Variants in NRXN1 observed in about 807,000 individuals in gnomAD.
NRXN1 encodes neurexin-1.
Under a neutral mutation model 150.9 loss-of-function variants are expected in NRXN1, and 39 were observed. The ratio of observed to expected loss-of-function variants is 0.26; its 90% CI spans 0.20 to 0.34. The LOEUF (loss-of-function observed/expected upper bound fraction) is 0.34. Among genes scored for constraint, NRXN1 ranks in the 10% least tolerant of loss-of-function variants. NRXN1 has a pLI of 1.00. For synonymous variants in NRXN1, 924 were observed against 757.0 expected (o/e 1.22, Z -3.62); for missense variants, 1,815 against 1,949.9 (o/e 0.93, Z 1.30).
intron 5 of NRXN1, among the ~76,000 whole-genome samples, chr2:50,792,333 A>G (rs1706166715): frequency 6.6e-6 from 1 of 152,150 alleles, no homozygotes; most frequent in Non-Finnish European, 1.5e-5. Flanking sequence ...TTTTCTCTAT[A>G]AAATTTTCAA....
chr2:49,998,961 C>A (rs1683457698), intron 21 of NRXN1, among the ~76,000 whole-genome samples: 2 of 152,084 alleles, frequency 1.3e-5, no homozygotes, highest in African/African-American at 4.8e-5. Context: ...TCCCAGTGTG[C>A]CAAAGCTCAG....
At chr2:50,352,781 T>C (rs1054504085) in intron 17 of NRXN1, among the ~76,000 whole-genome samples, 10 of 144,440 alleles carry the variant, frequency 6.9e-5, no homozygotes, top group Non-Finnish European at 1.5e-4. Flanking sequence ...AATAATATTA[T>C]AATAATAATA....
chr2:50,612,382 TTTC>T (rs1211388305), intron 8 of NRXN1, among the ~76,000 whole-genome samples: 4 of 152,142 alleles, frequency 2.6e-5, no homozygotes, highest in Non-Finnish European at 4.4e-5. Flanking sequence ...ACTTGTTTTT[TTTC>T]TTCTTCTTCC....
intron 19 of NRXN1, among the ~76,000 whole-genome samples, chr2:50,075,614 A>T (rs1046883641): frequency 6.6e-6 from 1 of 152,202 alleles, no homozygotes; most frequent in Non-Finnish European, 1.5e-5. Flanking sequence ...GTTTGTTCCT[A>T]TTATATAGGA....
chr2:50,067,076 C>T (rs1308360399), intron 19 of NRXN1, among the ~76,000 whole-genome samples: 2 of 152,140 alleles, frequency 1.3e-5, no homozygotes, highest in Admixed American at 6.5e-5. Context: ...GACATCCCAG[C>T]TCCTTATGTG....
intron 18 of NRXN1, among the ~76,000 whole-genome samples, chr2:50,169,228 C>T (rs1348093372): frequency 6.6e-6 from 1 of 152,048 alleles, no homozygotes; most frequent in East Asian, 1.9e-4. Context: ...AGTAAAAGAT[C>T]CAGTATTCAA....
chr2:50,250,405 A>G (rs1407034480), intron 17 of NRXN1, among the ~76,000 whole-genome samples: 2 of 151,240 alleles, frequency 1.3e-5, no homozygotes, highest in Non-Finnish European at 2.9e-5. Flanking sequence ...TTGTAGATCC[A>G]CTTATATAAA....
At chr2:50,829,485 A>G (rs1273495094) in intron 5 of NRXN1, 1 of 1,584,068 alleles carries the variant, frequency 6.3e-7, no homozygotes, top group African/African-American at 1.3e-5. Flanking sequence ...GCCTATAATA[A>G]TGAGAAAGGC....
intron 21 of NRXN1, among the ~76,000 whole-genome samples, chr2:50,003,639 C>T (rs1573348222): frequency 1.3e-5 from 2 of 152,130 alleles, no homozygotes; most frequent in Non-Finnish European, 2.9e-5. Context: ...TGCCTTTTTG[C>T]TTCACATGTT....
chr2:50,253,882 T>G (rs1285729911), intron 17 of NRXN1, among the ~76,000 whole-genome samples: 1 of 148,792 alleles, frequency 6.7e-6, no homozygotes, highest in Non-Finnish European at 1.5e-5. Flanking sequence ...TCTTTTTTTT[T>G]GTTGTATCTC....
At chr2:50,418,724 C>T (rs2083743322) in intron 17 of NRXN1, among the ~76,000 whole-genome samples, 1 of 151,960 alleles carries the variant, frequency 6.6e-6, no homozygotes, top group African/African-American at 2.4e-5. Context: ...ACACCATTAT[C>T]AATGTTTATG....
intron 5 of NRXN1, among the ~76,000 whole-genome samples, chr2:50,726,665 T>G (rs1697397450): frequency 6.6e-6 from 1 of 152,102 alleles, no homozygotes; most frequent in Non-Finnish European, 1.5e-5. Context: ...AAGTGACCGA[T>G]CTAGTTAAAT....
At chr2:50,938,939 C>T (rs894167550) in intron 2 of NRXN1, among the ~76,000 whole-genome samples, 5 of 152,016 alleles carry the variant, frequency 3.3e-5, no homozygotes, top group South Asian at 2.1e-4. Context: ...GGGCTGAGCG[C>T]GGTGGCTCAT....
intron 5 of NRXN1, among the ~76,000 whole-genome samples, chr2:50,887,241 C>T (rs969478757): frequency 1.4e-4 from 21 of 151,438 alleles, no homozygotes; most frequent in African/African-American, 4.3e-4. Flanking sequence ...TTGCATCTCT[C>T]TTCTACTTGA....
chr2:50,683,999 T>G (rs1461301435), intron 5 of NRXN1, among the ~76,000 whole-genome samples: 1 of 151,988 alleles, frequency 6.6e-6, no homozygotes, highest in East Asian at 1.9e-4. Flanking sequence ...TACATACCCA[T>G]CCATCCATCT....
chr2:50,428,318 G>A (rs991555315), intron 17 of NRXN1, among the ~76,000 whole-genome samples: 5 of 152,118 alleles, frequency 3.3e-5, no homozygotes, highest in African/African-American at 1.2e-4. Context: ...TGGAGGCTGA[G>A]GTGGGAAGAT....
At chr2:50,448,864 A>C (rs1377127858) in intron 17 of NRXN1, among the ~76,000 whole-genome samples, 1 of 152,284 alleles carries the variant, frequency 6.6e-6, no homozygotes, top group Non-Finnish European at 1.5e-5. Context: ...TAACACTAAA[A>C]TATACAAAAT....
At chr2:50,853,188 C>T (rs1674762504) in intron 5 of NRXN1, among the ~76,000 whole-genome samples, 1 of 152,134 alleles carries the variant, frequency 6.6e-6, no homozygotes, top group Admixed American at 6.5e-5. Context: ...ACTACTTGCA[C>T]AAACGAAACT....
intron 18 of NRXN1, among the ~76,000 whole-genome samples, chr2:50,112,953 T>C (rs1330630871): frequency 2.0e-5 from 3 of 152,208 alleles, no homozygotes; most frequent in Non-Finnish European, 2.9e-5. Context: ...CTGGTGCCTA[T>C]GCCATTTCTG....
Sources: gnomAD v4.1 joint callset for allele counts (sites outside exome capture counted in the v4.1 genomes callset) on GRCh38, gnomAD v4.1.1 for gene constraint, MANE v1.5 for transcripts, NCBI Gene and HGNC (gene_info 2026-07-23, HGNC 2026-07-21) for gene names.